Variants in DDX50 observed in about 807,000 individuals in gnomAD.
DDX50 encodes DExD-box helicase 50.
In DDX50, 56 loss-of-function variants were observed where a neutral mutation model predicts 94.8. That is an observed-to-expected ratio of 0.59 (90% CI 0.48 to 0.74). The LOEUF (loss-of-function observed/expected upper bound fraction) is 0.74. DDX50 is among the 30% of genes least tolerant of loss of function. DDX50 has a pLI of 0.00. For synonymous variants in DDX50, 264 were observed against 295.4 expected (o/e 0.89, Z 1.09); for missense variants, 713 against 881.2 (o/e 0.81, Z 2.42).
chr10:68,921,669 T>C (rs1215836991), intron 8 of DDX50, among the ~76,000 whole-genome samples: 2 of 152,218 alleles, frequency 1.3e-5, no homozygotes, highest in Non-Finnish European at 2.9e-5. Context: ...ATTAAGTAGA[T>C]TCCTGAGAAA....
At chr10:68,940,743 G>A (rs1419161130) in intron 12 of DDX50, among the ~76,000 whole-genome samples, 1 of 152,058 alleles carries the variant, frequency 6.6e-6, no homozygotes, top group Non-Finnish European at 1.5e-5. Flanking sequence ...AGCTGACTTT[G>A]ACTCCTTCAA....
intron 1 of DDX50, among the ~76,000 whole-genome samples, chr10:68,901,999 T>C (rs1179218439): frequency 6.6e-6 from 1 of 152,038 alleles, no homozygotes; most frequent in African/African-American, 2.4e-5. Flanking sequence ...GGAGATCGTG[T>C]GGGTTGCATT....
Position 68,946,452 on chromosome 10 carries a change from G to C in DDX50, c.2036G>C (p.Arg679Thr). 6.2e-7 allele frequency: 1 copy of C among 1,614,216 alleles called. No individual in the cohort carries two copies. The highest frequency in any genetic ancestry group is 1.1e-5 in the South Asian group (1 of 91,084). ...AACACATCTTCTAATTCCAGACAGAGGAGTGGCTGGTCAAGTGGTCGATCA... is the reference window on the plus strand; with the variant it reads ...AACACATCTTCTAATTCCAGACAGACGAGTGGCTGGTCAAGTGGTCGATCA... ...DGNTSSNSRQ[R>T]SGWSSGRSGR... Residue 679 changes from arginine to threonine, a missense_variant, in exon 15 of 15, where the codon AGG (arginine) becomes ACG (threonine). Arg to Thr is a moderately conservative substitution (Grantham distance 71). Around this residue, in one of 2 missense-constraint regions of DDX50, gnomAD observed 428 missense variants for 602.3 expected, o/e 0.71. Transcript: ENST00000373585.
chr10:68,909,898 A>G (rs530523638), intron 2 of DDX50, among the ~76,000 whole-genome samples: 29 of 152,268 alleles, frequency 1.9e-4, no homozygotes, highest in South Asian at 1.7e-3. Context: ...CTGACCTCAC[A>G]TGATCCACCT....
intron 10 of DDX50, 58 bp from the exon 11 acceptor site, chr10:68,935,943 ATTAAT>A: frequency 8.9e-7 from 1 of 1,122,800 alleles, no homozygotes; most frequent in Non-Finnish European, 1.3e-6. Flanking sequence ...CTATTAAAAT[ATTAAT>A]TTAGGAATTA....
At chr10:68,907,776 G>A (rs1054308910) in intron 2 of DDX50, among the ~76,000 whole-genome samples, 1 of 151,502 alleles carries the variant, frequency 6.6e-6, no homozygotes, top group African/African-American at 2.4e-5. Context: ...AAGCACATGT[G>A]TTTGTTGATC....
chr10:68,934,965 TAA>T lies in DDX50; in HGVS notation c.1521+50_1521+51del. On this transcript the variant is annotated intron_variant, in intron 10 of 14. Transcript: ENST00000373585. The surrounding 1 kb of genome is among the most constrained non-coding windows in gnomAD (Gnocchi z 4.0). The stretch of plus-strand genomic sequence containing the variant: ...CAGGCTTATTGTCTAAATGGTGCCT[TAA>T]AAGAGAGCTCTTCTTATATTTATTC... 6.3e-7 allele frequency: 1 copy of T among 1,575,048 alleles called. No homozygotes were observed. Among genetic ancestry groups the T allele is most frequent in the Non-Finnish European group, 8.6e-7 (1 of 1,162,142 alleles).
At chr10:68,919,802 C>T in intron 7 of DDX50, 30 bp from the exon 8 acceptor site, 1 of 1,600,740 alleles carries the variant, frequency 6.2e-7, no homozygotes, top group Non-Finnish European at 8.5e-7. Flanking sequence ...TTTAATGAAA[C>T]AAATAATGTG....
intron 1 of DDX50, among the ~76,000 whole-genome samples, chr10:68,901,881 T>A (rs1841297217): frequency 6.6e-6 from 1 of 152,174 alleles, no homozygotes; most frequent in Non-Finnish European, 1.5e-5. Context: ...CCCCGTCCCC[T>A]GTGCAAGAAT....
chr10:68,914,150 T>C lies in DDX50; in HGVS notation c.1035T>C (p.Tyr345=), dbSNP rs1317655871. 3 of 1,611,990 alleles carry C rather than the reference T, an allele frequency of 1.9e-6. No homozygotes were observed. The highest frequency in any genetic ancestry group is 1.1e-5 in the South Asian group (1 of 90,564). The change falls in exon 7 of 15, where the codon TAT becomes TAC. Residue 345 remains tyrosine, a synonymous_variant. Coordinates refer to ENST00000373585, the MANE Select transcript of DDX50 (RefSeq NM_024045.2). The part of the protein sequence containing the change: ...KVAKKYMKSR[Y]EQVDLVGKMT... Reference sequence around the variant, plus strand: ...CAAAAAAATACATGAAATCCAGATATGAACAGGTTGACCTTGTTGGAAAAA... The same window carrying C: ...CAAAAAAATACATGAAATCCAGATACGAACAGGTTGACCTTGTTGGAAAAA...
intron 1 of DDX50, among the ~76,000 whole-genome samples, 188 bp from the exon 2 acceptor site, chr10:68,906,523 G>A (rs1841448970): frequency 1.5e-5 from 2 of 131,196 alleles, no homozygotes; most frequent in South Asian, 4.9e-4. Context: ...CTAGGAAGGG[G>A]ATGAGAAAGA....
intron 8 of DDX50, among the ~76,000 whole-genome samples, chr10:68,923,485 C>T (rs979330394): frequency 3.3e-5 from 5 of 151,490 alleles, no homozygotes; most frequent in African/African-American, 9.7e-5. Context: ...GGATTACAGT[C>T]GAAAGCCACT....
At chr10:68,928,253 C>T (rs761760944) in intron 8 of DDX50, among the ~76,000 whole-genome samples, 9 of 152,080 alleles carry the variant, frequency 5.9e-5, no homozygotes, top group Non-Finnish European at 1.2e-4. Context: ...GAGGTCGAGG[C>T]TACAGTGAGC....
intron 7 of DDX50, among the ~76,000 whole-genome samples, chr10:68,915,370 G>A (rs373636194): frequency 9.3e-5 from 14 of 151,164 alleles, no homozygotes; most frequent in African/African-American, 2.9e-4. Context: ...CCAAGATCGC[G>A]CCACTGCACT....
intron 8 of DDX50, among the ~76,000 whole-genome samples, chr10:68,925,912 G>T (rs1004006219): frequency 1.3e-5 from 2 of 151,082 alleles, no homozygotes; most frequent in African/African-American, 4.9e-5. Flanking sequence ...TGCGTGGGAG[G>T]CCGAGGCACG....
intron 12 of DDX50, among the ~76,000 whole-genome samples, chr10:68,939,752 A>T (rs907364108): frequency 6.6e-6 from 1 of 151,982 alleles, no homozygotes; most frequent in Admixed American, 6.6e-5. Context: ...ACTCCTCCCT[A>T]TACTCTTTGT....
At position 68,946,542 on chromosome 10, in the gene DDX50, G is replaced by A. The variant is rs1244992367; in HGVS notation, c.2126G>A (p.Ser709Asn). The change falls in exon 15 of 15, where the codon AGT becomes AAT. Residue 709 changes from serine to asparagine, a missense_variant. Physicochemically the swap from Ser to Asn is conservative, Grantham distance 46. Coordinates refer to ENST00000373585, the MANE Select transcript of DDX50 (RefSeq NM_024045.2). Reference sequence around the variant, plus strand: ...TCAGGTAGACAGAGTCGACAAGGAAGTCGCTCAGGAAGTCGACAAGATGGT... The same window carrying A: ...TCAGGTAGACAGAGTCGACAAGGAAATCGCTCAGGAAGTCGACAAGATGGT... ...GRSGRQSRQG[S>N]RSGSRQDGRR... The A allele has an allele frequency of 6.2e-7, 1 of 1,614,236 alleles. No homozygotes were observed. The highest frequency in any genetic ancestry group is 1.7e-5 in the Admixed American group (1 of 60,030).
intron 8 of DDX50, among the ~76,000 whole-genome samples, chr10:68,925,100 T>G (rs1418116226): frequency 9.2e-6 from 1 of 109,196 alleles, no homozygotes. Flanking sequence ...TCATGGTTTT[T>G]TTTTTTTTTT....
At chr10:68,903,606 G>A (rs1841353882) in intron 1 of DDX50, among the ~76,000 whole-genome samples, 2 of 152,048 alleles carry the variant, frequency 1.3e-5, no homozygotes, top group Non-Finnish European at 2.9e-5. Flanking sequence ...TTCGAGACCA[G>A]CCTGGCCAAC....
Sources: gnomAD v4.1 joint callset for allele counts (sites outside exome capture counted in the v4.1 genomes callset) on GRCh38, gnomAD v4.1.1 for gene constraint, gnomAD v4.1.1 regional missense constraint, Gnocchi (gnomAD v3.1) non-coding constraint, MANE v1.5 for transcripts, NCBI Gene and HGNC (gene_info 2026-07-23, HGNC 2026-07-21) for gene names.